TAS1R1: variants seen among roughly 807,000 people sequenced by gnomAD.
The protein encoded by TAS1R1 is taste 1 receptor member 1.
A neutral mutation model predicts 45.8 loss-of-function variants in TAS1R1; 31 were observed. The ratio of observed to expected loss-of-function variants is 0.68; its 90% CI spans 0.51 to 0.91. The LOEUF (loss-of-function observed/expected upper bound fraction) is 0.91, where lower values mean the gene tolerates loss of function less well. TAS1R1 is among the 40% of genes least tolerant of loss of function. The probability of loss-of-function intolerance (pLI) is 0.00; values close to 1 mark genes in which losing one functional copy is unlikely to be tolerated. For missense variants in TAS1R1, 1,051 were observed against 1,063.9 expected, an observed-to-expected ratio of 0.99 and a Z score of 0.17; for synonymous variants, 437 against 448.4, an observed-to-expected ratio of 0.97 and a Z score of 0.32.
intron 1 of TAS1R1, among the ~76,000 whole-genome samples, chr1:6,561,424 A>T (rs3986419): frequency 1.3e-5 from 2 of 152,192 alleles, no homozygotes; most frequent in African/African-American, 2.4e-5. Flanking sequence ...TAAAGAGTCT[A>T]TCTGGGGCCG....
chr1:6,574,961 C>G lies in TAS1R1; in HGVS notation c.829C>G (p.Arg277Gly). ...CACCGTCGTGGTTGTTTTTTCCAGC[C>G]GGCAGTTGGCCAGGGTGTTTTTCGA... ...GATVVVVFSS[R>G]QLARVFFESV... The change falls in exon 3 of 6, where the codon CGG becomes GGG. Residue 277 changes from arginine to glycine, a missense_variant. Physicochemically the swap from Arg to Gly is moderately radical, Grantham distance 125. Coordinates refer to ENST00000333172, the MANE Select transcript of TAS1R1 (RefSeq NM_138697.4). The surrounding 1 kb of genome is among the most constrained non-coding windows in gnomAD (Gnocchi z 4.3). 6.2e-7 allele frequency: 1 copy of G among 1,607,970 alleles called. No individual in the cohort carries two copies. Among genetic ancestry groups the G allele is most frequent in the East Asian group, 2.2e-5 (1 of 44,744 alleles).
intron 4 of TAS1R1, 94 bp from the exon 5 acceptor site, chr1:6,576,856 T>C: frequency 1.9e-6 from 3 of 1,588,456 alleles, no homozygotes; most frequent in Non-Finnish European, 1.7e-6. Flanking sequence ...GAGTGAGCCC[T>C]GAGGGCAGAT....
chr1:6,569,664 T>C (rs1351465881), intron 1 of TAS1R1, among the ~76,000 whole-genome samples: 1 of 151,608 alleles, frequency 6.6e-6, no homozygotes, highest in African/African-American at 2.4e-5. Context: ...ACAAGGATGG[T>C]GGGAGAGGGC....
Position 6,574,148 on chromosome 1 carries a change from A to T in TAS1R1, c.499-483A>T, listed in dbSNP as rs1256648415. 6.6e-6 allele frequency among the ~76,000 whole-genome samples: 1 copy of T among 152,174 alleles called. No homozygotes were observed. Among genetic ancestry groups the T allele is most frequent in the East Asian group, 1.9e-4 (1 of 5,204 alleles). On this transcript the variant is annotated intron_variant, in intron 2 of 5. Coordinates refer to ENST00000333172, the MANE Select transcript of TAS1R1 (RefSeq NM_138697.4). The surrounding 1 kb of genome is among the most constrained non-coding windows in gnomAD (Gnocchi z 4.3). ...CAGATCCCTCGCATGTGCAGTTCAC[A>T]GTAGGGTTCAAGCTCCTACAAGAAT... is the stretch of plus-strand genomic sequence containing the variant.
chr1:6,572,660 C>T (rs1640048670), intron 2 of TAS1R1, among the ~76,000 whole-genome samples: 1 of 152,062 alleles, frequency 6.6e-6, no homozygotes, highest in Non-Finnish European at 1.5e-5. Flanking sequence ...GCTCTTCTCT[C>T]CTTTTGCCCC....
At chr1:6,555,996 C>T (rs1034835282) in intron 1 of TAS1R1, among the ~76,000 whole-genome samples, 4 of 151,080 alleles carry the variant, frequency 2.6e-5, no homozygotes, top group Non-Finnish European at 5.9e-5. Context: ...CTCAGCCTCC[C>T]GAGTAGCTGG....
Position 6,579,007 on chromosome 1 carries a change from C to A in TAS1R1, c.1949C>A (p.Thr650Lys). Residue 650 changes from threonine (T) to lysine (K), a missense_variant, in exon 6 of 6, where the codon ACA becomes AAA. Physicochemically the swap from Thr to Lys is moderately conservative, Grantham distance 78. Transcript: ENST00000333172. Reference protein sequence around the residue: ...LGFTIFLSCLTVRSFQLIIIF... With the variant: ...LGFTIFLSCLKVRSFQLIIIF... The stretch of plus-strand genomic sequence containing the variant: ...TTCACCATCTTCCTGTCCTGCCTGA[C>A]AGTTCGCTCATTCCAACTAATCATC... 1.2e-6 allele frequency: 2 copies of A among 1,613,890 alleles called. No homozygotes were observed. Among genetic ancestry groups the A allele is most frequent in the Non-Finnish European group, 1.7e-6 (2 of 1,179,800 alleles).
intron 3 of TAS1R1, 74 bp from the exon 4 acceptor site, chr1:6,576,341 C>T (rs1167181664): frequency 3.5e-6 from 5 of 1,448,194 alleles, no homozygotes; most frequent in Non-Finnish European, 4.8e-6. Flanking sequence ...CCCAGGAAGG[C>T]CCCAGGCCCT....
chr1:6,560,779 G>A (rs572468130), intron 1 of TAS1R1, among the ~76,000 whole-genome samples: 3 of 152,058 alleles, frequency 2.0e-5, no homozygotes, highest in African/African-American at 4.8e-5. Flanking sequence ...TCAGGAGATC[G>A]AGACCATCCT....
chr1:6,569,203 G>GAAA (rs1370203635), intron 1 of TAS1R1, among the ~76,000 whole-genome samples: 1 of 152,098 alleles, frequency 6.6e-6, no homozygotes, highest in African/African-American at 2.4e-5. Flanking sequence ...CGAGGATGGG[G>GAAA]AAAATTGGCG....
intron 1 of TAS1R1, among the ~76,000 whole-genome samples, chr1:6,555,886 T>G (rs6702841): frequency 2.3e-5 from 3 of 130,860 alleles, no homozygotes. Flanking sequence ...TTTTTTTTTT[T>G]TTTGAGACGG....
chr1:6,555,433 C>T lies in TAS1R1; in HGVS notation c.60C>T (p.Ala20=), dbSNP rs776958909. 5.0e-6 allele frequency: 8 copies of T among 1,606,106 alleles called. No individual in the cohort carries two copies. The highest frequency in any genetic ancestry group is 5.9e-6 in the Non-Finnish European group (7 of 1,177,190). Residue 20 remains alanine, a synonymous_variant, in exon 1 of 6, where the codon GCC becomes GCT. Transcript: ENST00000333172. ...AGCTTCTCATTTCCTGCTGCTGGGC[C>T]TTTGCCTGCCATAGCACGGAGTCTT... ...GLQLLISCCW[A]FACHSTESSP...
intron 1 of TAS1R1, among the ~76,000 whole-genome samples, chr1:6,569,127 G>T (rs759080907): frequency 6.6e-6 from 1 of 150,638 alleles, no homozygotes; most frequent in Non-Finnish European, 1.5e-5. Context: ...GGGAGAAGGG[G>T]GCAGAACAGG....
At chr1:6,565,309 G>A (rs549964550) in intron 1 of TAS1R1, among the ~76,000 whole-genome samples, 3 of 152,142 alleles carry the variant, frequency 2.0e-5, no homozygotes, top group South Asian at 4.2e-4. Flanking sequence ...CTTAGTGCTC[G>A]GGAGGAAAGA....
chr1:6,576,538 AC>A lies in TAS1R1; in HGVS notation c.1386del (p.Phe463SerfsTer14), dbSNP rs1377851908. ...CTGGGACTGGAATGGACCCAAGTGG[AC>A]CTTCACGGTCCTCGGTTCCTCCACA... ...IAWDWNGPKW[T>X]FTVLGSSTWS... On this transcript the variant is annotated frameshift_variant, in exon 4 of 6. Transcript: ENST00000333172. LOFTEE classifies it high-confidence loss of function. 1 of 1,614,102 alleles carries A rather than the reference AC, an allele frequency of 6.2e-7. No homozygotes were observed. Among genetic ancestry groups the A allele is most frequent in the African/African-American group, 1.3e-5 (1 of 74,934 alleles).
At chr1:6,571,309 T>A in intron 2 of TAS1R1, 94 bp downstream of exon 2, 1 of 1,362,196 alleles carries the variant, frequency 7.3e-7, no homozygotes, top group Admixed American at 2.5e-5. Context: ...CAAGGCTGCC[T>A]GCCCCCTGGA....
intron 1 of TAS1R1, among the ~76,000 whole-genome samples, chr1:6,568,675 G>A (rs1006743544): frequency 1.3e-5 from 2 of 152,220 alleles, no homozygotes; most frequent in African/African-American, 2.4e-5. Flanking sequence ...TGGGATGCCC[G>A]GCTGGGGTCT....
intron 1 of TAS1R1, among the ~76,000 whole-genome samples, chr1:6,555,955 T>G (rs1639674719): frequency 7.0e-6 from 1 of 142,128 alleles, no homozygotes; most frequent in South Asian, 2.4e-4. Flanking sequence ...CACTGCAAGC[T>G]CCGCCTTCCG....
intron 1 of TAS1R1, among the ~76,000 whole-genome samples, chr1:6,569,706 G>C (rs1639961067): frequency 6.6e-6 from 1 of 152,172 alleles, no homozygotes; most frequent in Non-Finnish European, 1.5e-5. Context: ...GTCTGGAATA[G>C]AGGAGGTAGC....
Sources: allele counts gnomAD v4.1 joint callset (sites outside exome capture counted in the v4.1 genomes callset), GRCh38; gene constraint gnomAD v4.1.1; non-coding constraint Gnocchi (gnomAD v3.1); transcripts MANE v1.5; gene names NCBI Gene and HGNC (gene_info 2026-07-23, HGNC 2026-07-21).